Variants in WNT16 observed in about 807,000 individuals in gnomAD.
WNT16 encodes protein Wnt-16.
Under a neutral mutation model 35.4 loss-of-function variants are expected in WNT16, and 20 were observed. The ratio of observed to expected loss-of-function variants is 0.56; its 90% CI spans 0.40 to 0.82. WNT16 has a LOEUF of 0.82. Ranked by LOEUF, WNT16 falls within the 40% of genes least tolerant of loss-of-function variation. The pLI is 0.00. For synonymous variants in WNT16, 180 were observed against 179.2 expected, an observed-to-expected ratio of 1.00 and a Z score of -0.03; for missense variants, 461 against 466.0, an observed-to-expected ratio of 0.99 and a Z score of 0.10.
Position 121,329,310 on chromosome 7 carries a change from C to T in WNT16, c.18C>T (p.Leu6=), listed in dbSNP as rs778388060. 1.3e-5 allele frequency: 21 copies of T among 1,584,254 alleles called. No homozygotes were observed. In the Middle Eastern group the frequency reaches 9.0e-4, roughly 68 times the overall value. ...CGGGGGCGATGGACAGGGCGGCGCT[C>T]CTGGGACTGGCCCGCTTGTGCGCGC... MDRAA[L]LGLARLCALW... is the part of the protein sequence containing the mutation. The change falls in exon 1 of 4, where the codon CTC becomes CTT. Residue 6 remains leucine, a synonymous_variant. Transcript: ENST00000222462.
chr7:121,331,648 C>T (rs1045607812), intron 2 of WNT16, 30 bp from the exon 3 acceptor site: 1 of 1,592,806 alleles, frequency 6.3e-7, no homozygotes, highest in Admixed American at 1.7e-5. Flanking sequence ...TTGCCTGGTT[C>T]TCTAATTTAG....
At chr7:121,338,214 C>T (rs193052942) in intron 3 of WNT16, among the ~76,000 whole-genome samples, 5 of 152,288 alleles carry the variant, frequency 3.3e-5, no homozygotes, top group Admixed American at 2.6e-4. Context: ...ATAATCTCAG[C>T]GGCTTTGTGA....
chr7:121,334,128 T>C (rs889327179), intron 3 of WNT16, among the ~76,000 whole-genome samples: 69 of 152,098 alleles, frequency 4.5e-4, no homozygotes, highest in African/African-American at 1.6e-3. Context: ...GTTCTTGCTA[T>C]TATTCTAACT....
At chr7:121,325,419 C>T (rs1192867759), upstream of WNT16, 1 of 1,613,622 alleles carries the variant, frequency 6.2e-7, no homozygotes, top group African/African-American at 1.3e-5. Flanking sequence ...GGCACCCATG[C>T]AGCTCACCAC....
intron 2 of WNT16, 46 bp downstream of exon 2, chr7:121,329,863 A>G (rs770287152): frequency 1.9e-6 from 3 of 1,584,368 alleles, no homozygotes; most frequent in Non-Finnish European, 2.6e-6. Flanking sequence ...GAAGGCGACA[A>G]CTCCTCCACC....
Position 121,331,120 on chromosome 7 carries a change from T to C in WNT16, c.347-558T>C, listed in dbSNP as rs367993912. 3.9e-5 allele frequency among the ~76,000 whole-genome samples: 6 copies of C among 152,342 alleles called. No individual in the cohort carries two copies. The East Asian group carries it at 5.8e-4, about 15-fold the overall frequency. On this transcript the variant is annotated intron_variant, in intron 2 of 3. Transcript: ENST00000222462. ...TTTCATGTTAATGTGAGACTAATCTTTAATGTGAAAATATACGGTACCGTT... is the reference window on the plus strand; with the variant it reads ...TTTCATGTTAATGTGAGACTAATCTCTAATGTGAAAATATACGGTACCGTT...
At chr7:121,336,749 T>C (rs577228827) in intron 3 of WNT16, among the ~76,000 whole-genome samples, 53 of 152,334 alleles carry the variant, frequency 3.5e-4, no homozygotes, top group Non-Finnish European at 5.4e-4. Context: ...CAATAAGTAT[T>C]TGATGAGCGT....
chr7:121,326,038 C>CAAAAAAAAAAAAAAAA (rs386411143), upstream of WNT16, among the ~76,000 whole-genome samples: 1 of 23,090 alleles, frequency 4.3e-5, no homozygotes, highest in African/African-American at 1.4e-4. Context: ...TACCTCATCT[C>CAAAAAAAAAAAAAAAA]AAAAAAAAAA....
At position 121,329,071 on chromosome 7, in the gene WNT16, A is replaced by G. The variant is rs1031710597; in HGVS notation, c.-222A>G. 2.3e-6 allele frequency: 3 copies of G among 1,279,170 alleles called. No homozygotes were observed. Among genetic ancestry groups the G allele is most frequent in the African/African-American group, 1.5e-5 (1 of 66,670 alleles). 79.2% of individuals were successfully genotyped at this position (1,279,170 alleles called of 1,614,324 possible). A position where few individuals can be genotyped will look rare whatever the true frequency, so the allele number is the denominator to read the frequency against. On this transcript the variant is annotated 5_prime_UTR_variant, in exon 1 of 4. Transcript: ENST00000222462. ...CTGCACATCTCCACCCCTGCGCAGG[A>G]GGAGATCCCCAGGCTGCTCTCTCCA...
chr7:121,335,349 C>T (rs1793424922), intron 3 of WNT16, among the ~76,000 whole-genome samples: 1 of 152,052 alleles, frequency 6.6e-6, no homozygotes, highest in South Asian at 2.1e-4. Context: ...TTTCCTATTT[C>T]ACTTCATTAG....
intron 3 of WNT16, among the ~76,000 whole-genome samples, chr7:121,335,644 CATTA>C (rs2116840830): frequency 6.6e-6 from 1 of 152,142 alleles, no homozygotes. Context: ...GGCTATTTAA[CATTA>C]ATTAAGAATC....
chr7:121,326,995 T>G (rs1230371718), upstream of WNT16, among the ~76,000 whole-genome samples: 2 of 152,204 alleles, frequency 1.3e-5, no homozygotes, highest in Admixed American at 1.3e-4. Context: ...ATTCACTCAA[T>G]AAATTTTGTT....
intron 3 of WNT16, among the ~76,000 whole-genome samples, chr7:121,338,639 A>G (rs1793477192): frequency 6.6e-6 from 1 of 152,226 alleles, no homozygotes; most frequent in Non-Finnish European, 1.5e-5. Flanking sequence ...CACTACTTTA[A>G]GTACAGCTTG....
intron 3 of WNT16, among the ~76,000 whole-genome samples, chr7:121,335,472 A>G (rs914060273): frequency 2.0e-5 from 3 of 152,114 alleles, no homozygotes; most frequent in African/African-American, 7.2e-5. Context: ...TCTGTTTGCA[A>G]TAGTTAACAA....
At chr7:121,332,831 A>C (rs1456485575) in intron 3 of WNT16, among the ~76,000 whole-genome samples, 2 of 152,228 alleles carry the variant, frequency 1.3e-5, no homozygotes, top group East Asian at 3.9e-4. Flanking sequence ...GAGGTGGTAC[A>C]TTTGAAGAAT....
At chr7:121,338,065 T>TTC (rs1473110054) in intron 3 of WNT16, among the ~76,000 whole-genome samples, 8 of 152,300 alleles carry the variant, frequency 5.3e-5, no homozygotes, top group African/African-American at 1.9e-4. Flanking sequence ...TTGTCATAGT[T>TTC]TCTCATGTGG....
Position 121,331,760 on chromosome 7 carries a change from C to T in WNT16, c.429C>T (p.Asn143=). The T allele has an allele frequency of 1.9e-6, 3 of 1,614,198 alleles. No individual in the cohort carries two copies. The highest frequency in any genetic ancestry group is 2.5e-6 in the Non-Finnish European group (3 of 1,180,038). Residue 143 remains asparagine (N), a synonymous_variant, in exon 3 of 4, where the codon AAC becomes AAT. Transcript: ENST00000222462. ...TGACCAGGTCATGCAGTGCAGGCAA[C>T]ATGACAGAGTGTTCCTGTGACACCA... ...HSVTRSCSAG[N]MTECSCDTTL...
chr7:121,334,758 G>C (rs756076824), intron 3 of WNT16, among the ~76,000 whole-genome samples: 6 of 152,040 alleles, frequency 3.9e-5, no homozygotes, highest in Non-Finnish European at 8.8e-5. Flanking sequence ...ATGATGATTG[G>C]CTAACGGAAT....
intron 3 of WNT16, 150 bp downstream of exon 3, chr7:121,332,114 G>T: frequency 1.0e-6 from 1 of 956,486 alleles, no homozygotes; most frequent in Middle Eastern, 3.4e-4. Context: ...GTTTTTAAAA[G>T]ACTACAGCAA....
Sources: gnomAD v4.1 joint callset for allele counts (sites outside exome capture counted in the v4.1 genomes callset) on GRCh38, gnomAD v4.1.1 for gene constraint, MANE v1.5 for transcripts, NCBI Gene and HGNC (gene_info 2026-07-23, HGNC 2026-07-21) for gene names.